The following AUTS2 variants were observed in gnomAD, a reference collection of about 807,000 sequenced individuals.
AUTS2 encodes activator of transcription and developmental regulator AUTS2, also known as autism susceptibility gene 2 protein.
AUTS2 carries 17 observed loss-of-function variants against 112.4 expected under a neutral mutation model. The observed-to-expected ratio is 0.15, with a 90% CI of 0.10 to 0.23. AUTS2 has a LOEUF of 0.23. AUTS2 is among the 10% of genes least tolerant of loss of function. The pLI is 1.00. For missense variants in AUTS2, 1,510 were observed against 1,701.6 expected (o/e 0.89, Z 1.98); for synonymous variants, 751 against 702.7 (o/e 1.07, Z -1.09).
chr7:70,243,225 G>A (rs908409203), intron 4 of AUTS2, among the ~76,000 whole-genome samples: 2 of 144,096 alleles, frequency 1.4e-5, no homozygotes, highest in African/African-American at 2.6e-5. Context: ...AGGAAAGAAT[G>A]TATCCTTGTG....
At chr7:70,138,437 C>G (rs993952741) in intron 4 of AUTS2, among the ~76,000 whole-genome samples, 2 of 152,196 alleles carry the variant, frequency 1.3e-5, no homozygotes, top group African/African-American at 4.8e-5. Context: ...AACTTGATTC[C>G]TGCTGTAAGG....
At chr7:69,869,570 A>T (rs1584365884) in intron 1 of AUTS2, among the ~76,000 whole-genome samples, 1 of 152,126 alleles carries the variant, frequency 6.6e-6, no homozygotes, top group South Asian at 2.1e-4. Context: ...GTACAGAAGA[A>T]GTTCTTGAAA....
At chr7:69,962,228 A>T (rs1797459772) in intron 2 of AUTS2, among the ~76,000 whole-genome samples, 1 of 152,116 alleles carries the variant, frequency 6.6e-6, no homozygotes, top group African/African-American at 2.4e-5. Context: ...GGTTCCCTTA[A>T]GGACTCTAAA....
rs146683509 is a variant in AUTS2, at chr7:70,738,968, T to C, written c.743-23902T>C. ...TACTCAGAAGGTTTTAACTTAACTT[T>C]CTGTATTCTGGTGATGTCCACGAGG... On this transcript the variant is annotated intron_variant, in intron 6 of 18. Transcript: ENST00000342771. Among the ~76,000 whole-genome samples the C allele has an allele frequency of 9.0e-3, 1,336 of 148,494 alleles. 24 individuals carry two copies. Among genetic ancestry groups the C allele is most frequent in the African/African-American group, 0.031 (1,268 of 40,600 alleles).
chr7:69,735,965 A>T (rs1787010881), intron 1 of AUTS2, among the ~76,000 whole-genome samples: 1 of 152,208 alleles, frequency 6.6e-6, no homozygotes, highest in African/African-American at 2.4e-5. Context: ...AGGTCTCAGT[A>T]TGGATGGCCC....
chr7:70,485,653 A>C (rs548081238), intron 5 of AUTS2, among the ~76,000 whole-genome samples: 2 of 152,102 alleles, frequency 1.3e-5, no homozygotes, highest in South Asian at 2.1e-4. Context: ...CCCTTCAAAA[A>C]AAAAGTATCT....
chr7:69,776,851 AT>A (rs1342280971), intron 1 of AUTS2, among the ~76,000 whole-genome samples: 1 of 152,214 alleles, frequency 6.6e-6, no homozygotes, highest in Non-Finnish European at 1.5e-5. Context: ...TTTAAAAAAA[AT>A]ATAAGCTGTG....
chr7:70,332,423 A>G (rs1037013638), intron 4 of AUTS2, among the ~76,000 whole-genome samples: 1 of 152,230 alleles, frequency 6.6e-6, no homozygotes, highest in African/African-American at 2.4e-5. Context: ...ATCCCTATCA[A>G]GCTACCATTG....
chr7:70,210,472 A>G (rs1409831649), intron 4 of AUTS2, among the ~76,000 whole-genome samples: 1 of 152,246 alleles, frequency 6.6e-6, no homozygotes, highest in African/African-American at 2.4e-5. Flanking sequence ...CTATTTATAA[A>G]TGGAAATTAT....
intron 2 of AUTS2, among the ~76,000 whole-genome samples, chr7:69,964,651 C>T (rs1045157448): frequency 6.6e-6 from 1 of 151,704 alleles, no homozygotes; most frequent in Non-Finnish European, 1.5e-5. Context: ...TTTTTGGAAT[C>T]TTTCATTACC....
intron 5 of AUTS2, among the ~76,000 whole-genome samples, chr7:70,539,681 G>A (rs946753056): frequency 6.6e-6 from 1 of 152,086 alleles, no homozygotes; most frequent in African/African-American, 2.4e-5. Flanking sequence ...GCTGAACCGT[G>A]ATTTCTCTTG....
At chr7:70,142,030 T>C (rs1350622170) in intron 4 of AUTS2, among the ~76,000 whole-genome samples, 1 of 152,226 alleles carries the variant, frequency 6.6e-6, no homozygotes, top group Non-Finnish European at 1.5e-5. Context: ...GTGTTTCCAG[T>C]TGCAACCAAT....
intron 4 of AUTS2, among the ~76,000 whole-genome samples, chr7:70,272,633 C>A (rs1391970053): frequency 6.6e-6 from 1 of 152,052 alleles, no homozygotes; most frequent in Admixed American, 6.6e-5. Context: ...GTCTTTTTCA[C>A]AAACCAGGTA....
At chr7:70,013,938 G>A (rs978608792) in intron 2 of AUTS2, among the ~76,000 whole-genome samples, 1 of 152,014 alleles carries the variant, frequency 6.6e-6, no homozygotes, top group South Asian at 2.1e-4. Context: ...GGATGGTCTC[G>A]ATCTCCTGAC....
chr7:69,912,733 C>T (rs1173359110), intron 2 of AUTS2, among the ~76,000 whole-genome samples: 1 of 152,142 alleles, frequency 6.6e-6, no homozygotes, highest in African/African-American at 2.4e-5. Context: ...CATTTTACTC[C>T]CTCCTTCCAC....
At chr7:70,161,442 G>GTTTTT (rs1224171184) in intron 4 of AUTS2, among the ~76,000 whole-genome samples, 1 of 151,546 alleles carries the variant, frequency 6.6e-6, no homozygotes, top group African/African-American at 2.4e-5. Flanking sequence ...AAAGCTTTTT[G>GTTTTT]TTTTTGTTTT....
At chr7:70,399,100 C>T (rs1053338141) in intron 4 of AUTS2, among the ~76,000 whole-genome samples, 2 of 151,474 alleles carry the variant, frequency 1.3e-5, no homozygotes, top group Non-Finnish European at 2.9e-5. Context: ...GATTCTCCTA[C>T]CTCAGCCTCT....
At chr7:70,156,387 G>T (rs1807759583) in intron 4 of AUTS2, among the ~76,000 whole-genome samples, 1 of 152,158 alleles carries the variant, frequency 6.6e-6, no homozygotes, top group South Asian at 2.1e-4. Flanking sequence ...GTATAGAAGA[G>T]AGCTTTTCTC....
At position 70,745,356 on chromosome 7, in the gene AUTS2, A is replaced by G. The variant is rs375607251; in HGVS notation, c.743-17514A>G. ...TAATTTTAAAAAGATTTGTACTTTG[A>G]TTTGCTTATAATGAGTGTTTTAAGT... On this transcript the variant is annotated intron_variant, in intron 6 of 18. Transcript: ENST00000342771. Among the ~76,000 whole-genome samples, 181 of 152,012 alleles carry G rather than the reference A, an allele frequency of 1.2e-3. 1 individual carries two copies. The highest frequency in any genetic ancestry group is 7.9e-3 in the South Asian group (38 of 4,808).
Sources: gnomAD v4.1 joint callset for allele counts (sites outside exome capture counted in the v4.1 genomes callset) on GRCh38, gnomAD v4.1.1 for gene constraint, MANE v1.5 for transcripts, NCBI Gene and HGNC (gene_info 2026-07-23, HGNC 2026-07-21) for gene names.